ACSF2: variants seen among roughly 807,000 people sequenced by gnomAD.
ACSF2 encodes the protein medium-chain acyl-CoA ligase ACSF2, mitochondrial.
Under a neutral mutation model 79.3 loss-of-function variants are expected in ACSF2, and 52 were observed. The observed-to-expected ratio is 0.66, with a 90% CI of 0.53 to 0.83. The LOEUF is 0.83. ACSF2 is among the 40% of genes least tolerant of loss of function. The probability of loss-of-function intolerance (pLI) is 0.00; values close to 1 mark genes in which losing one functional copy is unlikely to be tolerated. For missense variants in ACSF2, 661 were observed against 803.3 expected (o/e 0.82, Z 2.14); for synonymous variants, 283 against 312.6 (o/e 0.91, Z 1.00).
At chr17:50,437,855 A>G (rs925768042) in intron 1 of ACSF2, among the ~76,000 whole-genome samples, 9 of 152,196 alleles carry the variant, frequency 5.9e-5, no homozygotes, top group African/African-American at 1.9e-4. Flanking sequence ...AAAATAACAA[A>G]CACCTGTGTG....
intron 1 of ACSF2, chr17:50,450,773 G>GT: frequency 6.6e-6 from 1 of 152,384 alleles, no homozygotes; most frequent in African/African-American, 2.4e-5. Flanking sequence ...CAAACCTGAT[G>GT]TTCCATACCC....
intron 10 of ACSF2, among the ~76,000 whole-genome samples, chr17:50,469,316 G>A (rs559273099): frequency 6.6e-6 from 1 of 152,250 alleles, no homozygotes; most frequent in Admixed American, 6.5e-5. Context: ...GGGAGGAAGC[G>A]GGGCCGGACA....
chr17:50,431,572 A>G (rs1057125573), intron 1 of ACSF2, among the ~76,000 whole-genome samples: 2 of 152,182 alleles, frequency 1.3e-5, no homozygotes, highest in African/African-American at 2.4e-5. Context: ...ATAGCTTGCT[A>G]TAATCTCAAA....
chr17:50,445,633 C>T (rs977159539), intron 1 of ACSF2, among the ~76,000 whole-genome samples: 4 of 151,736 alleles, frequency 2.6e-5, no homozygotes, highest in Non-Finnish European at 5.9e-5. Flanking sequence ...TCTGACTCTA[C>T]AAAAAAAATT....
intron 10 of ACSF2, among the ~76,000 whole-genome samples, chr17:50,466,089 TC>T (rs2032698605): frequency 1.5e-5 from 2 of 134,432 alleles, no homozygotes; most frequent in East Asian, 2.0e-4. Context: ...TTTTTTTTTT[TC>T]CTTTTTTTTT....
chr17:50,442,460 G>C (rs1164101010), intron 1 of ACSF2, among the ~76,000 whole-genome samples: 1 of 151,622 alleles, frequency 6.6e-6, no homozygotes, highest in East Asian at 1.9e-4. Flanking sequence ...ACTACGCCTG[G>C]CCTTTTAGTT....
chr17:50,448,571 G>A (rs909900838), intron 1 of ACSF2, among the ~76,000 whole-genome samples: 1 of 152,164 alleles, frequency 6.6e-6, no homozygotes, highest in Non-Finnish European at 1.5e-5. Flanking sequence ...AATGAGCATT[G>A]CAATGAGGAA....
chr17:50,464,446 G>A, intron 10 of ACSF2, 152 bp downstream of exon 10: 1 of 773,850 alleles, frequency 1.3e-6, no homozygotes, highest in East Asian at 2.6e-5. Context: ...AAGATAGTCT[G>A]ACCTCATCAG....
chr17:50,474,319 T>G lies in ACSF2; in HGVS notation c.1797+52T>G. ...GGGCAGCCTGGGCTCTGGGGCCCCATAGGGCCCCACCTCTGTTTCCTTCAG... is the reference window on the plus strand; with the variant it reads ...GGGCAGCCTGGGCTCTGGGGCCCCAGAGGGCCCCACCTCTGTTTCCTTCAG... On this transcript the variant is annotated intron_variant, in intron 15 of 15. Coordinates refer to ENST00000300441, the MANE Select transcript of ACSF2 (RefSeq NM_025149.6). This position sits in a 1 kb window ranked among gnomAD's most constrained non-coding sequence, Gnocchi z 4.2. The G allele has an allele frequency of 6.3e-7, 1 of 1,593,030 alleles. No homozygotes were observed. The highest frequency in any genetic ancestry group is 8.6e-7 in the Non-Finnish European group (1 of 1,161,712).
chr17:50,455,718 G>C lies in ACSF2; in HGVS notation c.129-4959G>C, dbSNP rs372396941. On this transcript the variant is annotated intron_variant, in intron 1 of 15. Coordinates refer to ENST00000300441, the MANE Select transcript of ACSF2 (RefSeq NM_025149.6). ...CAGCTGTAGCTAAAACCAAGGGTGG[G>C]CGGAGGAGCTGTGACATAAGACACC... 2.6e-5 allele frequency among the ~76,000 whole-genome samples: 4 copies of C among 152,290 alleles called. No individual in the cohort carries two copies. In the East Asian group the frequency reaches 7.7e-4, roughly 29 times the overall value.
Position 50,471,420 on chromosome 17 carries a change from C to A in ACSF2, c.1323+285C>A. ...TTTTTGCCAAGCCCACTGTCTGTTT[C>A]AGGGCAGCCAGGGTAGCCTCAAAGA... is the stretch of plus-strand genomic sequence containing the variant. On this transcript the variant is annotated intron_variant, in intron 11 of 15. Coordinates refer to ENST00000300441, the MANE Select transcript of ACSF2 (RefSeq NM_025149.6). The surrounding 1 kb of genome is among the most constrained non-coding windows in gnomAD (Gnocchi z 4.1). 2.3e-6 allele frequency: 1 copy of A among 430,506 alleles called. No individual in the cohort carries two copies. The highest frequency in any genetic ancestry group is 2.6e-5 in the South Asian group (1 of 39,190). 26.7% of individuals were successfully genotyped at this position (430,506 alleles called of 1,614,324 possible).
At chr17:50,467,276 A>T (rs943028590) in intron 10 of ACSF2, among the ~76,000 whole-genome samples, 7 of 152,202 alleles carry the variant, frequency 4.6e-5, no homozygotes, top group African/African-American at 1.7e-4. Context: ...GTCTGGAGAC[A>T]GTGAGTCACG....
chr17:50,466,198 G>A (rs760451452), intron 10 of ACSF2, among the ~76,000 whole-genome samples: 7 of 149,002 alleles, frequency 4.7e-5, no homozygotes, highest in Non-Finnish European at 1.0e-4. Context: ...GCCATTCTCC[G>A]GCCTCAGCCT....
At chr17:50,459,206 A>G (rs2032190941) in intron 1 of ACSF2, among the ~76,000 whole-genome samples, 1 of 152,206 alleles carries the variant, frequency 6.6e-6, no homozygotes, top group South Asian at 2.1e-4. Context: ...TTCGAGCCAA[A>G]GAGTAAACAG....
At position 50,465,169 on chromosome 17, in the gene ACSF2, C is replaced by G. The variant is rs189391496; in HGVS notation, c.1215+875C>G. The G allele has an allele frequency of 4.8e-4, 564 of 1,166,074 alleles. 2 individuals carry two copies. The African/African-American group carries it at 7.8e-3, about 16-fold the overall frequency. The allele number at this position is 1,166,074 out of a possible 1,614,324, so 72.2% of individuals were successfully genotyped here. A position where few individuals can be genotyped will look rare whatever the true frequency, so the allele number is the denominator to read the frequency against. On this transcript the variant is annotated intron_variant, in intron 10 of 15. Transcript: ENST00000300441. Reference sequence around the variant, plus strand: ...TCAACAGGGGACCCAGTCGTCCCCTCCTCTCTCTGTAAAAATGGAGGGTCT... The same window carrying G: ...TCAACAGGGGACCCAGTCGTCCCCTGCTCTCTCTGTAAAAATGGAGGGTCT...
chr17:50,468,079 G>A, intron 10 of ACSF2: 12 of 1,610,710 alleles, frequency 7.5e-6, no homozygotes, highest in Non-Finnish European at 1.0e-5. Flanking sequence ...GGGTCTCCAG[G>A]TATCTGCCAA....
chr17:50,449,010 CTT>C (rs1157696530), intron 1 of ACSF2, among the ~76,000 whole-genome samples: 8 of 101,242 alleles, frequency 7.9e-5, no homozygotes, highest in South Asian at 3.3e-4. Context: ...AATATGTAGT[CTT>C]TTTTTTTTTT....
At chr17:50,460,127 C>T (rs1177218896) in intron 1 of ACSF2, 1 of 453,380 alleles carries the variant, frequency 2.2e-6, no homozygotes, top group South Asian at 1.6e-5. Flanking sequence ...ATAACAGGGG[C>T]CGCCCAGCTG....
intron 6 of ACSF2, 80 bp downstream of exon 6, chr17:50,462,665 G>A: frequency 2.0e-6 from 3 of 1,504,914 alleles, no homozygotes; most frequent in Admixed American, 1.8e-5. Context: ...GGGATGGGGA[G>A]ACAGCAGAGG....
Sources: gnomAD v4.1 joint callset for allele counts (sites outside exome capture counted in the v4.1 genomes callset) on GRCh38, gnomAD v4.1.1 for gene constraint, Gnocchi (gnomAD v3.1) non-coding constraint, MANE v1.5 for transcripts, NCBI Gene and HGNC (gene_info 2026-07-23, HGNC 2026-07-21) for gene names.